The following KCNH7 variants were observed in gnomAD, a reference collection of about 807,000 sequenced individuals.
The protein encoded by KCNH7 is voltage-gated inwardly rectifying potassium channel KCNH7.
KCNH7 carries 49 observed loss-of-function variants against 120.8 expected under a neutral mutation model. The ratio of observed to expected loss-of-function variants is 0.41; its 90% CI spans 0.32 to 0.51. The LOEUF (loss-of-function observed/expected upper bound fraction) is 0.51. Ranked by LOEUF, KCNH7 falls within the 20% of genes least tolerant of loss-of-function variation. KCNH7 has a pLI of 0.38. For missense variants in KCNH7, 1,097 were observed against 1,446.6 expected, an observed-to-expected ratio of 0.76 and a Z score of 3.92; for synonymous variants, 547 against 516.1, an observed-to-expected ratio of 1.06 and a Z score of -0.81.
intron 2 of KCNH7, among the ~76,000 whole-genome samples, chr2:162,663,957 A>AT (rs1685053014): frequency 6.6e-6 from 1 of 152,118 alleles, no homozygotes; most frequent in Non-Finnish European, 1.5e-5. Context: ...GGATTCACTG[A>AT]TTTTTAGCTG....
intron 2 of KCNH7, among the ~76,000 whole-genome samples, chr2:162,590,911 C>A (rs114746736): frequency 0.021 from 3,133 of 152,180 alleles, 100 homozygotes; most frequent in African/African-American, 0.066. Context: ...GAATAAAATT[C>A]AAACTCTTGT....
chr2:162,724,532 C>T (rs1216626856), intron 2 of KCNH7, among the ~76,000 whole-genome samples: 3 of 150,528 alleles, frequency 2.0e-5, no homozygotes, highest in Non-Finnish European at 4.4e-5. Context: ...ATTAGCCGGG[C>T]GTAGTGGCGG....
chr2:162,568,527 G>A (rs1034636437), intron 2 of KCNH7, among the ~76,000 whole-genome samples: 1 of 151,876 alleles, frequency 6.6e-6, no homozygotes, highest in Admixed American at 6.6e-5. Flanking sequence ...TTTATTTCCA[G>A]TTGATTAAAT....
Position 162,371,729 on chromosome 2 carries a change from C to A in KCNH7, c.*100G>T, listed in dbSNP as rs770713731. On this transcript the variant is annotated 3_prime_UTR_variant, in exon 16 of 16. Transcript: ENST00000332142. ...ACAGTACTTTTGCATATAATGGTAC[C>A]TTGTGAGCCCCTGAGTCAAGTAGAG... 6 of 1,153,320 alleles carry A rather than the reference C, an allele frequency of 5.2e-6. No individual in the cohort carries two copies. Among genetic ancestry groups the A allele is most frequent in the Non-Finnish European group, 4.9e-6 (4 of 822,916 alleles). 71.4% of individuals were successfully genotyped at this position (1,153,320 alleles called of 1,614,324 possible).
intron 2 of KCNH7, among the ~76,000 whole-genome samples, chr2:162,629,801 A>T (rs1272057031): frequency 6.6e-6 from 1 of 152,116 alleles, no homozygotes; most frequent in Non-Finnish European, 1.5e-5. Flanking sequence ...TGAGCTGATT[A>T]TCAAATGTTT....
intron 9 of KCNH7, among the ~76,000 whole-genome samples, chr2:162,412,884 A>T (rs1213050919): frequency 6.6e-6 from 1 of 152,174 alleles, no homozygotes; most frequent in Non-Finnish European, 1.5e-5. Context: ...CCTTGAAATT[A>T]TTAGTAAATC....
chr2:162,379,898 C>T lies in KCNH7; in HGVS notation c.3086G>A (p.Gly1029Glu). 2 of 1,613,946 alleles carry T rather than the reference C, an allele frequency of 1.2e-6. No homozygotes were observed. Among genetic ancestry groups the T allele is most frequent in the East Asian group, 2.2e-5 (1 of 44,844 alleles). Residue 1029 changes from glycine to glutamate, a missense_variant, in exon 14 of 16, where the codon GGG becomes GAG. This residue lies in a region of KCNH7 where 406 missense variants were observed against 410.5 expected (regional missense o/e 0.99). Coordinates refer to ENST00000332142, the MANE Select transcript of KCNH7 (RefSeq NM_033272.4). ...CAGATCTAATCTTTGTTCCACTTCC[C>T]CGTAGGTGAGGTCGCTTTCGGTTTC... is the stretch of plus-strand genomic sequence containing the variant. The part of the protein sequence containing the change: ...ISETESDLTY[G>E]EVEQRLDLLQ...
At chr2:162,807,102 CA>C (rs1034999476) in intron 2 of KCNH7, among the ~76,000 whole-genome samples, 34 of 150,908 alleles carry the variant, frequency 2.3e-4, no homozygotes, top group Non-Finnish European at 4.4e-4. Context: ...TACTCTTTTG[CA>C]AAAAACAAAA....
chr2:162,497,567 G>C (rs527393763), intron 6 of KCNH7, among the ~76,000 whole-genome samples: 28 of 152,222 alleles, frequency 1.8e-4, no homozygotes, highest in African/African-American at 6.5e-4. Flanking sequence ...AGGAGATTTA[G>C]GGGACAAATG....
At chr2:162,572,893 G>A (rs1156644140) in intron 2 of KCNH7, among the ~76,000 whole-genome samples, 4 of 151,974 alleles carry the variant, frequency 2.6e-5, no homozygotes, top group Non-Finnish European at 4.4e-5. Context: ...TCTGGGGACT[G>A]TTGTGGGGTG....
intron 2 of KCNH7, among the ~76,000 whole-genome samples, chr2:162,646,543 T>A (rs1291919779): frequency 6.6e-6 from 1 of 152,182 alleles, no homozygotes; most frequent in Non-Finnish European, 1.5e-5. Context: ...AGATGAGAAG[T>A]TTATTCAATG....
Position 162,446,211 on chromosome 2 carries a change from A to G in KCNH7, c.1361T>C (p.Val454Ala). Residue 454 changes from valine (V) to alanine (A), a missense_variant, in exon 7 of 16, where the codon GTA becomes GCA. By Grantham distance (64) the Val-to-Ala change is moderately conservative. This residue lies in a region of KCNH7 where 109 missense variants were observed against 196.8 expected (regional missense o/e 0.55). Coordinates refer to ENST00000332142, the MANE Select transcript of KCNH7 (RefSeq NM_033272.4). ...CGYSCSPLNV[V>A]DLIVDIMFII... ...AAACATAATATCCACAATCAAGTCT[A>G]CCACATTCAAAGGGCTACAAGAATA... 1 of 1,613,712 alleles carries G rather than the reference A, an allele frequency of 6.2e-7. No individual in the cohort carries two copies.
At chr2:162,513,243 T>C (rs1320499056) in intron 4 of KCNH7, among the ~76,000 whole-genome samples, 1 of 125,394 alleles carries the variant, frequency 8.0e-6, no homozygotes, top group Non-Finnish European at 1.7e-5. Context: ...CCTCCCTTTC[T>C]CCCTTCCCTC....
At chr2:162,833,950 AT>A (rs1178624995) in intron 2 of KCNH7, among the ~76,000 whole-genome samples, 1 of 152,196 alleles carries the variant, frequency 6.6e-6, no homozygotes, top group Non-Finnish European at 1.5e-5. Flanking sequence ...GAAATGCTAA[AT>A]AAAGAATAAG....
intron 9 of KCNH7, among the ~76,000 whole-genome samples, chr2:162,409,396 C>T (rs1239142050): frequency 6.6e-6 from 1 of 151,622 alleles, no homozygotes; most frequent in East Asian, 1.9e-4. Flanking sequence ...AAATAATTAC[C>T]GAGTAGGAGA....
At chr2:162,448,609 T>C (rs1336420870) in intron 6 of KCNH7, among the ~76,000 whole-genome samples, 1 of 152,078 alleles carries the variant, frequency 6.6e-6, no homozygotes, top group East Asian at 1.9e-4. Flanking sequence ...ACTGCTTAGG[T>C]GACAAACTTC....
intron 2 of KCNH7, among the ~76,000 whole-genome samples, chr2:162,767,975 C>A (rs1489193608): frequency 1.3e-5 from 2 of 152,042 alleles, no homozygotes; most frequent in Non-Finnish European, 2.9e-5. Flanking sequence ...TTTTAATCTG[C>A]CTGTGATGCT....
At chr2:162,608,077 T>C (rs1420557252) in intron 2 of KCNH7, among the ~76,000 whole-genome samples, 2 of 152,200 alleles carry the variant, frequency 1.3e-5, no homozygotes, top group African/African-American at 4.8e-5. Context: ...CCAAATGTAG[T>C]AGTTGCGGGT....
chr2:162,759,325 A>G (rs1688891952), intron 2 of KCNH7, among the ~76,000 whole-genome samples: 1 of 152,062 alleles, frequency 6.6e-6, no homozygotes, highest in South Asian at 2.1e-4. Flanking sequence ...TACCTAGCCT[A>G]GGGACTAATA....
Sources: allele counts gnomAD v4.1 joint callset (sites outside exome capture counted in the v4.1 genomes callset), GRCh38; gene constraint gnomAD v4.1.1; regional missense constraint gnomAD v4.1.1; transcripts MANE v1.5; gene names NCBI Gene and HGNC (gene_info 2026-07-23, HGNC 2026-07-21).